TBC1D22A: variants seen among roughly 807,000 people sequenced by gnomAD.
The protein encoded by TBC1D22A is TBC1 domain family member 22A, also known as putative GTPase activator.
In TBC1D22A, 38 loss-of-function variants were observed where a neutral mutation model predicts 60.2. The observed-to-expected ratio is 0.63, with a 90% confidence interval of 0.49 to 0.83. The LOEUF (loss-of-function observed/expected upper bound fraction) is 0.83. Among genes scored for constraint, TBC1D22A ranks in the 40% least tolerant of loss-of-function variants. The pLI is 0.00. For missense variants in TBC1D22A, 628 were observed against 701.0 expected, an observed-to-expected ratio of 0.90 and a Z score of 1.18; for synonymous variants, 302 against 281.7, an observed-to-expected ratio of 1.07 and a Z score of -0.72.
intron 12 of TBC1D22A, among the ~76,000 whole-genome samples, chr22:47,143,598 A>C (rs1237316829): frequency 6.6e-6 from 1 of 152,210 alleles, no homozygotes; most frequent in African/African-American, 2.4e-5. Context: ...GAACAACAGA[A>C]ACTGGGTCCT....
Position 47,033,805 on chromosome 22 carries a change from G to A in TBC1D22A, c.1202-3266G>A, listed in dbSNP as rs112963228. 2.5e-3 allele frequency among the ~76,000 whole-genome samples: 388 copies of A among 152,250 alleles called. 1 individual carries two copies. The highest frequency in any genetic ancestry group is 4.4e-3 in the Non-Finnish European group (298 of 68,004). On this transcript the variant is annotated intron_variant, in intron 10 of 12. Coordinates refer to ENST00000337137, the MANE Select transcript of TBC1D22A (RefSeq NM_014346.5). ...TAGCATGGGTGTTGTTGGTCACCTG[G>A]TGCCACCGCAGGAGGCATGGCATTG...
chr22:46,845,228 G>T (rs909677295), intron 4 of TBC1D22A, among the ~76,000 whole-genome samples: 13 of 152,230 alleles, frequency 8.5e-5, no homozygotes, highest in Admixed American at 8.5e-4. Flanking sequence ...CCTCTTAGCT[G>T]ATTAGATTCC....
At chr22:47,132,958 A>G (rs923899594) in intron 12 of TBC1D22A, among the ~76,000 whole-genome samples, 60 of 152,238 alleles carry the variant, frequency 3.9e-4, no homozygotes, top group Admixed American at 2.4e-3. Flanking sequence ...GCCTCGCCGA[A>G]GGGCTCACTT....
At chr22:47,113,029 C>T (rs1328947406) in intron 12 of TBC1D22A, among the ~76,000 whole-genome samples, 1 of 152,234 alleles carries the variant, frequency 6.6e-6, no homozygotes, top group African/African-American at 2.4e-5. Context: ...TGGCCAGCCT[C>T]CTGCTGTCCT....
At chr22:47,114,865 G>A (rs556538714) in intron 12 of TBC1D22A, among the ~76,000 whole-genome samples, 25 of 152,252 alleles carry the variant, frequency 1.6e-4, no homozygotes, top group African/African-American at 3.4e-4. Flanking sequence ...GATGGGTCAC[G>A]CTGCCCCTTA....
rs141189506 is a variant in TBC1D22A at position 47,053,921 on chromosome 22, C to T, written c.1329+16723C>T. ...TTGAACCAAGGACACGGGAATGCTCCAGAAGTGGTAGCTGTTACTGTGGGG... is the reference window on the plus strand; with the variant it reads ...TTGAACCAAGGACACGGGAATGCTCTAGAAGTGGTAGCTGTTACTGTGGGG... On this transcript the variant is annotated intron_variant, in intron 11 of 12. Transcript: ENST00000337137. 3.2e-3 allele frequency among the ~76,000 whole-genome samples: 489 copies of T among 152,362 alleles called. 2 individuals carry two copies. The highest frequency in any genetic ancestry group is 0.01 in the Middle Eastern group (3 of 294).
intron 7 of TBC1D22A, among the ~76,000 whole-genome samples, chr22:46,904,109 A>ATCTGTCTGTCTGTCTGTCTG (rs1176935651): frequency 0.047 from 3,097 of 65,540 alleles, 44 homozygotes; most frequent in South Asian, 0.082. Context: ...CTATCTATCT[A>ATCTGTCTGTCTGTCTGTCTG]TCTATCTATC....
chr22:46,804,481 GCT>G (rs2085044327), intron 4 of TBC1D22A, among the ~76,000 whole-genome samples: 1 of 152,088 alleles, frequency 6.6e-6, no homozygotes, highest in Non-Finnish European at 1.5e-5. Flanking sequence ...AGCAGAAATG[GCT>G]CTCTCTCAGC....
chr22:46,988,868 C>A (rs760106963), intron 9 of TBC1D22A, among the ~76,000 whole-genome samples: 1 of 152,198 alleles, frequency 6.6e-6, no homozygotes, highest in Non-Finnish European at 1.5e-5. Flanking sequence ...GGCATTGACT[C>A]CTCCTCTCTA....
At chr22:46,887,355 T>C (rs1158443847) in intron 5 of TBC1D22A, among the ~76,000 whole-genome samples, 1 of 152,240 alleles carries the variant, frequency 6.6e-6, no homozygotes, top group African/African-American at 2.4e-5. Flanking sequence ...ATTGGGAATT[T>C]GCATACACTT....
chr22:46,843,239 C>A (rs948475969), intron 4 of TBC1D22A, among the ~76,000 whole-genome samples: 1 of 152,138 alleles, frequency 6.6e-6, no homozygotes, highest in African/African-American at 2.4e-5. Context: ...TACGAGCATT[C>A]GGTGTACTAA....
rs574359073 is a variant in TBC1D22A, at chr22:47,174,010, A to G, written c.*384A>G. On this transcript the variant is annotated 3_prime_UTR_variant, in exon 13 of 13. Coordinates refer to ENST00000337137, the MANE Select transcript of TBC1D22A (RefSeq NM_014346.5). Reference sequence around the variant, plus strand: ...CTGGGTGCCAGGGCCGGAACGAGGTAGTGGCCATCTCATACCTACTCTGAA... The same window carrying G: ...CTGGGTGCCAGGGCCGGAACGAGGTGGTGGCCATCTCATACCTACTCTGAA... 275 of 204,468 alleles carry G rather than the reference A, an allele frequency of 1.3e-3. 3 individuals carry two copies. The highest frequency in any genetic ancestry group is 5.5e-3 in the African/African-American group (237 of 43,188). The allele number at this position is 204,468 out of a possible 1,614,324, so 12.7% of individuals were successfully genotyped here. A position where few individuals can be genotyped will look rare whatever the true frequency, so the allele number is the denominator to read the frequency against.
At chr22:46,805,434 G>A (rs1284541922) in intron 4 of TBC1D22A, among the ~76,000 whole-genome samples, 3 of 152,254 alleles carry the variant, frequency 2.0e-5, no homozygotes, top group African/African-American at 4.8e-5. Context: ...CCTGGAGGCA[G>A]GTAGCTGTTG....
intron 11 of TBC1D22A, among the ~76,000 whole-genome samples, chr22:47,089,518 A>G (rs1207243054): frequency 6.6e-6 from 1 of 152,242 alleles, no homozygotes; most frequent in Non-Finnish European, 1.5e-5. Context: ...CACACAGTCC[A>G]TGCACACAGA....
At chr22:47,098,517 C>A (rs1014265871) in intron 11 of TBC1D22A, among the ~76,000 whole-genome samples, 8 of 152,220 alleles carry the variant, frequency 5.3e-5, no homozygotes, top group African/African-American at 1.9e-4. Context: ...TCCCCAACCC[C>A]ATGCACCAGG....
chr22:46,841,133 C>T (rs2086751232), intron 4 of TBC1D22A, among the ~76,000 whole-genome samples: 1 of 151,670 alleles, frequency 6.6e-6, no homozygotes, highest in African/African-American at 2.4e-5. Context: ...CCTTAATGAT[C>T]CCCAGAATGG....
chr22:46,966,416 A>G (rs1746624645), intron 8 of TBC1D22A, among the ~76,000 whole-genome samples: 1 of 152,214 alleles, frequency 6.6e-6, no homozygotes, highest in Non-Finnish European at 1.5e-5. Flanking sequence ...TCTTCCAGGC[A>G]CTAACATGTT....
chr22:47,020,609 G>A (rs2062054785), intron 10 of TBC1D22A, among the ~76,000 whole-genome samples: 1 of 151,914 alleles, frequency 6.6e-6, no homozygotes, highest in African/African-American at 2.4e-5. Context: ...CTGGAGTTTG[G>A]GGGAATCCTG....
intron 12 of TBC1D22A, among the ~76,000 whole-genome samples, chr22:47,157,350 T>C (rs2067763735): frequency 6.6e-6 from 1 of 152,216 alleles, no homozygotes; most frequent in African/African-American, 2.4e-5. Flanking sequence ...TGTTCGTGAT[T>C]CAAGTTCGTG....
Sources: gnomAD v4.1 joint callset for allele counts (sites outside exome capture counted in the v4.1 genomes callset) on GRCh38, gnomAD v4.1.1 for gene constraint, MANE v1.5 for transcripts, NCBI Gene and HGNC (gene_info 2026-07-23, HGNC 2026-07-21) for gene names.